The following GART variants were observed in gnomAD, a reference collection of about 807,000 sequenced individuals.
GART encodes the protein trifunctional purine biosynthetic protein adenosine-3.
Under a neutral mutation model 107.2 loss-of-function variants are expected in GART, and 43 were observed. The observed-to-expected ratio is 0.40, with a 90% CI of 0.31 to 0.52. The LOEUF (loss-of-function observed/expected upper bound fraction) is 0.52, where lower values mean the gene tolerates loss of function less well. Ranked by LOEUF, GART falls within the 20% of genes least tolerant of loss-of-function variation. The pLI, the probability that GART is intolerant of heterozygous loss-of-function variation, is 0.52. For synonymous variants in GART, 434 were observed against 427.0 expected, an observed-to-expected ratio of 1.02 and a Z score of -0.20; for missense variants, 1,107 against 1,206.5, an observed-to-expected ratio of 0.92 and a Z score of 1.22.
chr21:33,530,670 G>T, intron 7 of GART, 89 bp downstream of exon 7: 1 of 1,257,256 alleles, frequency 8.0e-7, no homozygotes, highest in Non-Finnish European at 1.0e-6. Flanking sequence ...CAAACAAACA[G>T]AAAACAAAAC....
intron 14 of GART, 114 bp from the exon 15 acceptor site, chr21:33,517,722 T>C: frequency 9.3e-7 from 1 of 1,072,682 alleles, no homozygotes; most frequent in Non-Finnish European, 1.3e-6. Context: ...GTCCTGCAAA[T>C]ATTTAAGAAA....
intron 18 of GART, among the ~76,000 whole-genome samples, chr21:33,506,447 C>CT (rs1211946740): frequency 6.6e-6 from 1 of 152,064 alleles, no homozygotes; most frequent in African/African-American, 2.4e-5. Context: ...CAACCTCACA[C>CT]TTTTTAAAAA....
rs115384857 is a variant in GART at position 33,527,048 on chromosome 21, C to G, written c.1066+1119G>C. 1.7e-3 allele frequency among the ~76,000 whole-genome samples: 253 copies of G among 152,312 alleles called. 1 individual carries two copies. Among genetic ancestry groups the G allele is most frequent in the African/African-American group, 5.2e-3 (216 of 41,562 alleles). On this transcript the variant is annotated intron_variant, in intron 10 of 21. Coordinates refer to ENST00000381815, the MANE Select transcript of GART (RefSeq NM_000819.5). ...TGGCAGAACTATTATACACTTGTTACTTCAATCTTAGGGAAATTTTACCAA... is the reference window on the plus strand; with the variant it reads ...TGGCAGAACTATTATACACTTGTTAGTTCAATCTTAGGGAAATTTTACCAA...
chr21:33,531,969 C>T (rs1007699534), intron 5 of GART: 4 of 244,374 alleles, frequency 1.6e-5, no homozygotes, highest in African/African-American at 2.3e-5. Flanking sequence ...CAACAAAGAT[C>T]GATCACGAAA....
At chr21:33,532,957 C>T (rs1417871246) in intron 4 of GART, among the ~76,000 whole-genome samples, 1 of 151,654 alleles carries the variant, frequency 6.6e-6, no homozygotes, top group Non-Finnish European at 1.5e-5. Context: ...TAATAATATT[C>T]AGTGTTTAAG....
chr21:33,534,022 A>C (rs775280077), intron 4 of GART, among the ~76,000 whole-genome samples: 65 of 152,258 alleles, frequency 4.3e-4, no homozygotes, highest in Non-Finnish European at 7.5e-4. Flanking sequence ...GATTTTATTA[A>C]AAATGTCATC....
chr21:33,516,930 C>T, intron 16 of GART, 59 bp downstream of exon 16: 3 of 1,444,672 alleles, frequency 2.1e-6, no homozygotes, highest in South Asian at 2.6e-5. Flanking sequence ...AGTTTTCTCG[C>T]ACAATGCATT....
In GART at chr21:33,534,683, C is replaced by A; in HGVS notation, c.312G>T (p.Glu104Asp). The A allele has an allele frequency of 6.2e-7, 1 of 1,613,352 alleles. No homozygotes were observed. Among genetic ancestry groups the A allele is most frequent in the Non-Finnish European group, 8.5e-7 (1 of 1,179,704 alleles). The change falls in exon 4 of 22, where the codon GAG (glutamate) becomes GAT (aspartate). Residue 104 changes from glutamate (E) to aspartate (D), a missense_variant. Glu to Asp is a conservative substitution (Grantham distance 45, BLOSUM62 2). Coordinates refer to ENST00000381815, the MANE Select transcript of GART (RefSeq NM_000819.5). ...ACTCTTTGGCAAACCTTTTGCTGGA[C>A]TCTAACTGAGCCGCTTCTGCTGTTG... ...FGPTAEAAQL[E>D]SSKRFAKEFM...
At chr21:33,524,579 A>C in intron 11 of GART, 190 bp downstream of exon 11, 1 of 1,222,532 alleles carries the variant, frequency 8.2e-7, no homozygotes. Context: ...AACTTACGCT[A>C]TCATGAAGTT....
At chr21:33,524,211 G>A in intron 11 of GART, 1 of 985,376 alleles carries the variant, frequency 1.0e-6, no homozygotes. Flanking sequence ...ATAAAACCAT[G>A]AACTATGTTT....
chr21:33,524,809 C>G lies in GART; in HGVS notation c.1258G>C (p.Asp420His). 6.2e-7 allele frequency: 1 copy of G among 1,614,250 alleles called. No individual in the cohort carries two copies. Among genetic ancestry groups the G allele is most frequent in the Non-Finnish European group, 8.5e-7 (1 of 1,180,032 alleles). ...IKFEGAIYRK[D>H]VGFRAIAFLQ... ...AAAGCTATGGCACGAAAGCCGACGT[C>G]TTTCCTATAAATTGCTCCCTCAAAC... is the stretch of plus-strand genomic sequence containing the variant. The change falls in exon 11 of 22, where the codon GAC becomes CAC. Residue 420 changes from aspartate to histidine, a missense_variant. Transcript: ENST00000381815.
intron 14 of GART, chr21:33,518,676 AG>A (rs1454760538): frequency 1.1e-5 from 5 of 438,528 alleles, no homozygotes; most frequent in African/African-American, 1.0e-4. Context: ...GACTCAATTC[AG>A]TTTGCCTCAT....
At chr21:33,507,934 A>G (rs1030693490) in intron 18 of GART, among the ~76,000 whole-genome samples, 1 of 152,218 alleles carries the variant, frequency 6.6e-6, no homozygotes, top group African/African-American at 2.4e-5. Flanking sequence ...CCCCATTTAC[A>G]GGGATGTGAT....
chr21:33,528,059 G>A, intron 10 of GART, 108 bp downstream of exon 10: 1 of 1,012,994 alleles, frequency 9.9e-7, no homozygotes, highest in African/African-American at 1.6e-5. Context: ...AAAGGTTTCT[G>A]ATGGCTTCAC....
chr21:33,540,738 T>C lies in GART; in HGVS notation c.-42+1327A>G, dbSNP rs114881356. 1.4e-3 allele frequency among the ~76,000 whole-genome samples: 219 copies of C among 152,340 alleles called. 1 individual carries two copies. The highest frequency in any genetic ancestry group is 5.2e-3 in the African/African-American group (216 of 41,562). On this transcript the variant is annotated intron_variant, in intron 1 of 21. Coordinates refer to ENST00000381815, the MANE Select transcript of GART (RefSeq NM_000819.5). ...GGAAAAAGAAAATTGAAAACTTATT[T>C]TGATGATGTTGGGATTACATATTTT...
chr21:33,521,951 CAAAA>C (rs1252653074), intron 12 of GART, among the ~76,000 whole-genome samples: 2 of 82,796 alleles, frequency 2.4e-5, no homozygotes, highest in Non-Finnish European at 5.2e-5. Flanking sequence ...ACTCTTGTCT[CAAAA>C]AAAAAAAAAA....
intron 20 of GART, among the ~76,000 whole-genome samples, chr21:33,505,228 G>A (rs1352329034): frequency 3.3e-5 from 5 of 152,158 alleles, no homozygotes; most frequent in African/African-American, 1.2e-4. Flanking sequence ...ACAAATAAAG[G>A]AAGGTCTTCT....
chr21:33,520,363 C>G lies in GART; in HGVS notation c.1702+1G>C. ...TTATTGATTAAAATGGCTGATCATACCAAGGAGAGCACATCCAGCTTTTCC... is the reference window on the plus strand; with the variant it reads ...TTATTGATTAAAATGGCTGATCATAGCAAGGAGAGCACATCCAGCTTTTCC... On this transcript the variant is annotated splice_donor_variant, in intron 14 of 21. Coordinates refer to ENST00000381815, the MANE Select transcript of GART (RefSeq NM_000819.5). LOFTEE classifies it high-confidence loss of function. 1.2e-6 allele frequency: 2 copies of G among 1,613,794 alleles called. No individual in the cohort carries two copies. Among genetic ancestry groups the G allele is most frequent in the Non-Finnish European group, 1.7e-6 (2 of 1,179,752 alleles).
At chr21:33,542,028 A>C (rs1363809855) in intron 1 of GART, 37 bp downstream of exon 1, 1 of 152,202 alleles carries the variant, frequency 6.6e-6, no homozygotes, top group African/African-American at 2.4e-5. Context: ...CCAAAGCCTA[A>C]GCGCGCTCCG....
Sources: allele counts gnomAD v4.1 joint callset (sites outside exome capture counted in the v4.1 genomes callset), GRCh38; gene constraint gnomAD v4.1.1; transcripts MANE v1.5; gene names NCBI Gene and HGNC (gene_info 2026-07-23, HGNC 2026-07-21).